The following R3HDM2 variants were observed in gnomAD, a reference collection of about 807,000 sequenced individuals.
R3HDM2 encodes the protein R3H domain-containing protein 2.
Under a neutral mutation model 124.5 loss-of-function variants are expected in R3HDM2, and 38 were observed. The ratio of observed to expected loss-of-function variants is 0.31; its 90% confidence interval spans 0.24 to 0.40. The LOEUF (loss-of-function observed/expected upper bound fraction) is 0.40. Ranked by LOEUF, R3HDM2 falls within the 10% of genes least tolerant of loss-of-function variation. The pLI, the probability that R3HDM2 is intolerant of heterozygous loss-of-function variation, is 1.00. For missense variants in R3HDM2, 869 were observed against 1,236.9 expected, an observed-to-expected ratio of 0.70 and a Z score of 4.46; for synonymous variants, 391 against 448.0, an observed-to-expected ratio of 0.87 and a Z score of 1.61.
At chr12:57,404,890 A>C in intron 1 of R3HDM2, among the ~76,000 whole-genome samples, 1 of 151,368 alleles carries the variant, frequency 6.6e-6, no homozygotes, top group Non-Finnish European at 1.5e-5. Context: ...AATAAAACTT[A>C]AAAAAAAACA....
At chr12:57,374,270 G>A (rs369584671) in intron 2 of R3HDM2, among the ~76,000 whole-genome samples, 17 of 152,264 alleles carry the variant, frequency 1.1e-4, no homozygotes, top group African/African-American at 4.1e-4. Context: ...AGGGACCCGT[G>A]ATCGTGCCAC....
intron 2 of R3HDM2, among the ~76,000 whole-genome samples, chr12:57,315,039 T>G (rs190561636): frequency 2.3e-5 from 3 of 132,872 alleles, no homozygotes; most frequent in Non-Finnish European, 4.5e-5. Context: ...TTCTATTTCT[T>G]TTTTTTTTTT....
chr12:57,361,068 AAAAGC>A (rs1448592986), intron 2 of R3HDM2, among the ~76,000 whole-genome samples: 4 of 150,376 alleles, frequency 2.7e-5, no homozygotes, highest in Admixed American at 6.7e-5. Flanking sequence ...AAAAAAAAAA[AAAAGC>A]AAAGCAAAGC....
intron 1 of R3HDM2, among the ~76,000 whole-genome samples, chr12:57,407,297 C>T (rs56740845): frequency 3.3e-5 from 5 of 151,604 alleles, no homozygotes; most frequent in African/African-American, 4.8e-5. Flanking sequence ...CACTGACCAA[C>T]TATAACAGAC....
At chr12:57,353,159 T>A (rs1230539238) in intron 2 of R3HDM2, among the ~76,000 whole-genome samples, 3 of 152,086 alleles carry the variant, frequency 2.0e-5, no homozygotes, top group Non-Finnish European at 4.4e-5. Flanking sequence ...AAAACTTCTA[T>A]ACAATTTTAA....
chr12:57,324,371 C>T (rs562366903), intron 2 of R3HDM2, among the ~76,000 whole-genome samples: 16 of 152,110 alleles, frequency 1.1e-4, no homozygotes, highest in African/African-American at 3.6e-4. Context: ...TTAGTAGAGA[C>T]GGGGTTTCAC....
intron 2 of R3HDM2, among the ~76,000 whole-genome samples, chr12:57,348,521 C>T (rs947081937): frequency 3.9e-5 from 6 of 151,958 alleles, no homozygotes; most frequent in African/African-American, 1.4e-4. Context: ...TGGCAAAACC[C>T]CGTCTCTACT....
chr12:57,330,931 C>G (rs918501181), intron 2 of R3HDM2, among the ~76,000 whole-genome samples: 2 of 151,592 alleles, frequency 1.3e-5, no homozygotes, highest in African/African-American at 4.9e-5. Flanking sequence ...ATCTCCTGAC[C>G]TTGTGATCTG....
chr12:57,274,163 C>G (rs371363441), intron 14 of R3HDM2, among the ~76,000 whole-genome samples: 15 of 152,028 alleles, frequency 9.9e-5, no homozygotes, highest in African/African-American at 3.6e-4. Flanking sequence ...CATATATATT[C>G]TGGGGAAAAA....
chr12:57,306,986 G>C (rs2052753326), intron 3 of R3HDM2, among the ~76,000 whole-genome samples: 1 of 152,124 alleles, frequency 6.6e-6, no homozygotes. Flanking sequence ...CTGCGCTCCA[G>C]CCTGGGTGAC....
At chr12:57,378,239 T>A (rs1427766854) in intron 2 of R3HDM2, among the ~76,000 whole-genome samples, 1 of 152,176 alleles carries the variant, frequency 6.6e-6, no homozygotes, top group African/African-American at 2.4e-5. Context: ...CATCACTCTG[T>A]TTCCTATCAT....
intron 21 of R3HDM2, 139 bp from the exon 22 acceptor site, chr12:57,256,650 A>C: frequency 1.6e-6 from 1 of 619,976 alleles, no homozygotes; most frequent in East Asian, 3.0e-5. Flanking sequence ...TGCGACTGGT[A>C]TAAGAGTTGT....
chr12:57,426,042 A>T (rs946285770), intron 1 of R3HDM2, among the ~76,000 whole-genome samples: 2 of 152,202 alleles, frequency 1.3e-5, no homozygotes, highest in Non-Finnish European at 2.9e-5. Flanking sequence ...GGCCTGGCCA[A>T]CATGACAGAA....
chr12:57,423,615 C>T (rs1050189979), intron 1 of R3HDM2, among the ~76,000 whole-genome samples: 2 of 151,524 alleles, frequency 1.3e-5, no homozygotes, highest in African/African-American at 4.9e-5. Context: ...AGTTTGAGAC[C>T]ACCCTGGCCA....
chr12:57,284,936 T>C (rs568289810), intron 12 of R3HDM2, among the ~76,000 whole-genome samples: 1 of 152,330 alleles, frequency 6.6e-6, no homozygotes, highest in South Asian at 2.1e-4. Flanking sequence ...GATAGCCAGG[T>C]TGGCCTGAAA....
At chr12:57,310,013 A>T (rs776862659) in intron 3 of R3HDM2, among the ~76,000 whole-genome samples, 1 of 152,150 alleles carries the variant, frequency 6.6e-6, no homozygotes, top group African/African-American at 2.4e-5. Flanking sequence ...GGAGTTTGAG[A>T]CCAGCCTGGG....
At chr12:57,373,383 C>A (rs1335844434) in intron 2 of R3HDM2, among the ~76,000 whole-genome samples, 1 of 151,980 alleles carries the variant, frequency 6.6e-6, no homozygotes, top group Non-Finnish European at 1.5e-5. Flanking sequence ...GCCTGTAGTA[C>A]CAGCTACTAA....
At chr12:57,414,486 TAAAAAAAA>T (rs534205889) in intron 1 of R3HDM2, among the ~76,000 whole-genome samples, 20,847 of 66,980 alleles carry the variant, frequency 0.31, 2,362 homozygotes, top group Admixed American at 0.46. Context: ...AAGACTCCAT[TAAAAAAAA>T]AAAAAAAAAA....
intron 2 of R3HDM2, among the ~76,000 whole-genome samples, chr12:57,395,396 C>A (rs528132693): frequency 6.6e-6 from 1 of 151,578 alleles, no homozygotes; most frequent in Non-Finnish European, 1.5e-5. Context: ...CCCAGCAACT[C>A]GGGAAGCTGA....
Sources: allele counts gnomAD v4.1 joint callset (sites outside exome capture counted in the v4.1 genomes callset), GRCh38; gene constraint gnomAD v4.1.1; transcripts MANE v1.5; gene names NCBI Gene and HGNC (gene_info 2026-07-23, HGNC 2026-07-21).